AP1M2: variants seen among roughly 807,000 people sequenced by gnomAD.
The protein encoded by AP1M2 is adaptor related protein complex 1 subunit mu 2, also known as AP-1 complex subunit mu-2.
In AP1M2, 41 loss-of-function variants were observed where a neutral mutation model predicts 54.6. That is an observed-to-expected ratio of 0.75 (90% CI 0.59 to 0.97). The LOEUF (loss-of-function observed/expected upper bound fraction) is 0.97, where lower values mean the gene tolerates loss of function less well. Ranked by LOEUF, AP1M2 falls within the 50% of genes least tolerant of loss-of-function variation. AP1M2 has a pLI of 0.00. For missense variants in AP1M2, 507 were observed against 561.2 expected (o/e 0.90, Z 0.98); for synonymous variants, 219 against 215.9 (o/e 1.01, Z -0.13).
intron 2 of AP1M2, 30 bp from the exon 3 acceptor site, chr19:10,583,703 C>T (rs1917537384): frequency 1.2e-6 from 2 of 1,604,760 alleles, no homozygotes; most frequent in Non-Finnish European, 1.7e-6. Flanking sequence ...GAAAAGGTGC[C>T]ATTTATGGAG....
At chr19:10,574,361 T>G (rs1917154746) in intron 11 of AP1M2, 56 bp downstream of exon 11, 1 of 1,372,578 alleles carries the variant, frequency 7.3e-7, no homozygotes, top group African/African-American at 1.5e-5. Flanking sequence ...AAGCCTCGAG[T>G]CCCTACCCAC....
Position 10,585,317 on chromosome 19 carries a change from AAGAAAGAAAG to A in AP1M2, c.43-1257_43-1248del, listed in dbSNP as rs761042774. Among the ~76,000 whole-genome samples the A allele has an allele frequency of 6.1e-3, 874 of 143,276 alleles. 10 individuals are homozygous for A. Among genetic ancestry groups the A allele is most frequent in the Middle Eastern group, 0.021 (6 of 286 alleles). 94.0% of individuals were successfully genotyped at this position (143,276 alleles called of 152,430 possible). ...AAAGAAAGAAAGAAAGAAAGAAAGA[AAGAAAGAAAG>A]AAAGAAAGAAAGAAAGAAAGAAAGA... On this transcript the variant is annotated intron_variant, in intron 1 of 11. Coordinates refer to ENST00000250244, the MANE Select transcript of AP1M2 (RefSeq NM_005498.5).
chr19:10,578,339 A>C (rs73018644), intron 8 of AP1M2, among the ~76,000 whole-genome samples: 37,471 of 151,762 alleles, frequency 0.25, 5,401 homozygotes, highest in East Asian at 0.61. Context: ...AGATGGAGGC[A>C]GGCGTGGCGG....
At chr19:10,580,382 C>A (rs1292286453) in intron 6 of AP1M2, among the ~76,000 whole-genome samples, 1 of 151,912 alleles carries the variant, frequency 6.6e-6, no homozygotes. Context: ...GATGCTGAGG[C>A]CTGGCGTGGT....
intron 6 of AP1M2, among the ~76,000 whole-genome samples, chr19:10,580,576 T>C (rs1917407506): frequency 6.6e-6 from 1 of 152,128 alleles, no homozygotes; most frequent in African/African-American, 2.4e-5. Context: ...GGCAGGAGAA[T>C]AGCTTGAACC....
chr19:10,572,778 A>C lies in AP1M2; in HGVS notation c.*288T>G. The C allele has an allele frequency of 2.8e-6, 1 of 357,798 alleles. No homozygotes were observed. The highest frequency in any genetic ancestry group is 2.1e-5 in the African/African-American group (1 of 47,946). The allele number at this position is 357,798 out of a possible 1,614,324, so 22.2% of individuals were successfully genotyped here. The stretch of plus-strand genomic sequence containing the variant: ...CCCGCAACACCCGCTAAGGCAGGTA[A>C]TTGCAAGAAGGCACTCGCGAGGAGG... On this transcript the variant is annotated 3_prime_UTR_variant, in exon 12 of 12. Transcript: ENST00000250244.
intron 9 of AP1M2, among the ~76,000 whole-genome samples, chr19:10,576,814 C>T (rs1293037709): frequency 6.6e-6 from 1 of 151,710 alleles, no homozygotes; most frequent in African/African-American, 2.4e-5. Flanking sequence ...TCAAGCAATT[C>T]TCCTGCCTCA....
chr19:10,582,357 T>TAAC (rs1216376245), intron 3 of AP1M2, among the ~76,000 whole-genome samples: 1 of 152,020 alleles, frequency 6.6e-6, no homozygotes, highest in African/African-American at 2.4e-5. Context: ...CCCCTATCTC[T>TAAC]AACAACAACA....
intron 7 of AP1M2, 71 bp downstream of exon 7, chr19:10,579,645 C>T (rs73018660): frequency 0.28 from 419,140 of 1,500,166 alleles, 62,650 homozygotes; most frequent in Non-Finnish European, 0.31. Flanking sequence ...TGAGCCACTG[C>T]GCTGGGCCCA....
intron 3 of AP1M2, 136 bp downstream of exon 3, chr19:10,583,470 A>C: frequency 3.1e-6 from 2 of 641,542 alleles, no homozygotes; most frequent in Non-Finnish European, 5.4e-6. Context: ...CCCCATCTCT[A>C]CCAGAAAAAA....
At position 10,574,918 on chromosome 19, in the gene AP1M2, CGGT is replaced by C. The variant is rs1568429190; in HGVS notation, c.1156_1158del (p.Thr386del). 6.2e-7 allele frequency: 1 copy of C among 1,603,970 alleles called. No homozygotes were observed. Among genetic ancestry groups the C allele is most frequent in the Non-Finnish European group, 8.5e-7 (1 of 1,174,722 alleles). On this transcript the variant is annotated inframe_deletion, in exon 10 of 12. Coordinates refer to ENST00000250244, the MANE Select transcript of AP1M2 (RefSeq NM_005498.5). Reference sequence around the variant, plus strand: ...GCTTCTCTCACCTGGATCCCAGAGACGGTGAAGTAGGGGATCTCAAACTTGACC... The same window carrying C: ...GCTTCTCTCACCTGGATCCCAGAGACGAAGTAGGGGATCTCAAACTTGACC...
intron 7 of AP1M2, among the ~76,000 whole-genome samples, chr19:10,579,168 G>A (rs969537091): frequency 2.0e-5 from 3 of 151,928 alleles, no homozygotes; most frequent in Non-Finnish European, 2.9e-5. Flanking sequence ...TGTAATCCCA[G>A]CACTTTGGGA....
At chr19:10,584,176 G>C (rs1443807679) in intron 1 of AP1M2, 106 bp from the exon 2 acceptor site, 1 of 1,398,532 alleles carries the variant, frequency 7.2e-7, no homozygotes, top group African/African-American at 1.4e-5. Flanking sequence ...TGAGGGGCTT[G>C]GGCAAGGCTC....
chr19:10,585,306 A>G (rs374884904), intron 1 of AP1M2, among the ~76,000 whole-genome samples: 938 of 93,098 alleles, frequency 0.01, 6 homozygotes, highest in Non-Finnish European at 0.016. Context: ...AAAGAAAGAA[A>G]GAAAGAAAGA....
Position 10,573,140 on chromosome 19 carries a change from C to T in AP1M2, c.1250-52G>A, listed in dbSNP as rs373082441. On this transcript the variant is annotated intron_variant, in intron 11 of 11. Transcript: ENST00000250244. ...ATCTCAGAAATGGGGAGAGGGGGGC[C>T]GGGCACGGTGACTCACGCTTATAAT... The T allele has an allele frequency of 6.8e-5, 102 of 1,508,550 alleles. No homozygotes were observed. In the African/African-American group the frequency reaches 1.0e-3, roughly 15 times the overall value. The allele number at this position is 1,508,550 out of a possible 1,614,324, so 93.4% of individuals were successfully genotyped here.
chr19:10,574,194 A>AT (rs1325814085), intron 11 of AP1M2, among the ~76,000 whole-genome samples: 1 of 151,928 alleles, frequency 6.6e-6, no homozygotes, highest in African/African-American at 2.4e-5. Context: ...TAATTTTTGT[A>AT]TTTTTAGTAG....
At chr19:10,579,034 T>TTC in intron 7 of AP1M2, 71 bp from the exon 8 acceptor site, 19 of 1,119,978 alleles carry the variant, frequency 1.7e-5, no homozygotes, top group South Asian at 4.5e-5. Context: ...TTTTTTTTTT[T>TTC]CTTTCTTTGA....
intron 9 of AP1M2, among the ~76,000 whole-genome samples, chr19:10,575,769 C>CTT (rs71162097): frequency 7.5e-5 from 7 of 93,608 alleles, no homozygotes; most frequent in African/African-American, 2.2e-4. Flanking sequence ...CTTTTTTTTT[C>CTT]TTTTTTTTTT....
intron 3 of AP1M2, among the ~76,000 whole-genome samples, chr19:10,582,945 C>A (rs924835982): frequency 4.1e-4 from 62 of 151,072 alleles, no homozygotes; most frequent in Non-Finnish European, 8.1e-4. Flanking sequence ...CCTGCCTCAA[C>A]CTTCCCCGTA....
Sources: gnomAD v4.1 joint callset for allele counts (sites outside exome capture counted in the v4.1 genomes callset) on GRCh38, gnomAD v4.1.1 for gene constraint, MANE v1.5 for transcripts, NCBI Gene and HGNC (gene_info 2026-07-23, HGNC 2026-07-21) for gene names.